Variants in TFDP2 observed in about 807,000 individuals in gnomAD.
The protein encoded by TFDP2 is transcription factor Dp-2.
Under a neutral mutation model 59.3 loss-of-function variants are expected in TFDP2, and 17 were observed. The observed-to-expected ratio is 0.29, with a 90% CI of 0.20 to 0.43. The LOEUF is 0.43. Among genes scored for constraint, TFDP2 ranks in the 20% least tolerant of loss-of-function variants. The pLI, the probability that TFDP2 is intolerant of heterozygous loss-of-function variation, is 1.00. For missense variants in TFDP2, 391 were observed against 528.8 expected, an observed-to-expected ratio of 0.74 and a Z score of 2.56; for synonymous variants, 180 against 194.7, an observed-to-expected ratio of 0.92 and a Z score of 0.63.
intron 4 of TFDP2, 84 bp downstream of exon 4, chr3:142,005,357 G>A: frequency 8.5e-7 from 1 of 1,182,604 alleles, no homozygotes; most frequent in Admixed American, 2.1e-5. Context: ...TGGAATATCT[G>A]ATCAAATATA....
intron 6 of TFDP2, among the ~76,000 whole-genome samples, 164 bp from the exon 7 acceptor site, chr3:141,978,846 G>C (rs1242514998): frequency 6.6e-6 from 1 of 151,990 alleles, no homozygotes; most frequent in Non-Finnish European, 1.5e-5. Flanking sequence ...CTTACTTTTT[G>C]CCTTAAAGGT....
chr3:142,055,890 T>G (rs2059721772), intron 3 of TFDP2, among the ~76,000 whole-genome samples: 1 of 150,386 alleles, frequency 6.6e-6, no homozygotes, highest in African/African-American at 2.4e-5. Context: ...CATGCAATTA[T>G]AAGACCAAGT....
At chr3:141,986,153 A>T (rs548388961) in intron 6 of TFDP2, among the ~76,000 whole-genome samples, 1 of 152,228 alleles carries the variant, frequency 6.6e-6, no homozygotes, top group African/African-American at 2.4e-5. Context: ...GGAGCCCACA[A>T]CATGAGGAAG....
At chr3:141,999,960 C>T (rs1372976777) in intron 4 of TFDP2, among the ~76,000 whole-genome samples, 1 of 152,174 alleles carries the variant, frequency 6.6e-6, no homozygotes, top group Admixed American at 6.5e-5. Flanking sequence ...TGGTCTCGAT[C>T]TCCTGACCTC....
In TFDP2 at chr3:142,037,634, G is replaced by A. The variant is rs573062466; in HGVS notation, c.83-32090C>T. ...AATACACATAAGGAAATGGTTTTGTGGGGGGAAAAGTAATTTACTAGTTGT... is the reference window on the plus strand; with the variant it reads ...AATACACATAAGGAAATGGTTTTGTAGGGGGAAAAGTAATTTACTAGTTGT... On this transcript the variant is annotated intron_variant, in intron 3 of 12. Coordinates refer to ENST00000489671, the MANE Select transcript of TFDP2 (RefSeq NM_001178139.2). 4.6e-5 allele frequency among the ~76,000 whole-genome samples: 7 copies of A among 152,224 alleles called. No homozygotes were observed. In the South Asian group the frequency reaches 1.2e-3, roughly 27 times the overall value.
At chr3:141,982,775 T>C (rs1236118456) in intron 6 of TFDP2, among the ~76,000 whole-genome samples, 1 of 152,238 alleles carries the variant, frequency 6.6e-6, no homozygotes, top group African/African-American at 2.4e-5. Flanking sequence ...GGCTATACTC[T>C]TGAAATGTAG....
chr3:142,093,121 A>G lies in TFDP2; in HGVS notation c.22T>C (p.Leu8=). The change falls in exon 3 of 13, where the codon TTG becomes CTG. Residue 8 remains leucine, a synonymous_variant. Coordinates refer to ENST00000489671, the MANE Select transcript of TFDP2 (RefSeq NM_001178139.2). MTAKNVG[L]TSTNAEVRGF... ...CTTACTTCTGCATTTGTGGAAGTCA[A>G]ACCAACCTGAATAAAACCGTTTAAA... 1 of 1,539,910 alleles carries G rather than the reference A, an allele frequency of 6.5e-7. No individual in the cohort carries two copies. Among genetic ancestry groups the G allele is most frequent in the South Asian group, 1.2e-5 (1 of 83,568 alleles).
At chr3:141,972,762 C>T (rs1005795507) in intron 8 of TFDP2, among the ~76,000 whole-genome samples, 3 of 152,146 alleles carry the variant, frequency 2.0e-5, no homozygotes, top group African/African-American at 7.2e-5. Context: ...GTGAGAATGA[C>T]AGTACCTTGG....
In TFDP2 at chr3:141,973,116, TA is replaced by T. The variant is rs1559951483; in HGVS notation, c.663+931del. Among the ~76,000 whole-genome samples the T allele has an allele frequency of 6.8e-4, 67 of 98,818 alleles. 1 individual carries two copies. The highest frequency in any genetic ancestry group is 9.5e-4 in the African/African-American group (25 of 26,306). The allele number at this position is 98,818 out of a possible 152,430, so 64.8% of individuals were successfully genotyped here. A position where few individuals can be genotyped will look rare whatever the true frequency, so the allele number is the denominator to read the frequency against. On this transcript the variant is annotated intron_variant, in intron 8 of 12. Coordinates refer to ENST00000489671, the MANE Select transcript of TFDP2 (RefSeq NM_001178139.2). ...GTGTATATATATATATATATATATA[TA>T]TATATATTTTTTTTTTTTAAAGATG...
At chr3:142,101,294 C>A (rs2061310103) in intron 2 of TFDP2, among the ~76,000 whole-genome samples, 3 of 150,648 alleles carry the variant, frequency 2.0e-5, no homozygotes, top group African/African-American at 7.3e-5. Context: ...CAGGAACCAT[C>A]TCATGGAAGG....
chr3:142,141,182 G>A (rs971449322), intron 1 of TFDP2, among the ~76,000 whole-genome samples: 9 of 152,190 alleles, frequency 5.9e-5, no homozygotes, highest in Non-Finnish European at 8.8e-5. Context: ...AGCCAGGCAC[G>A]GGAGAGAATC....
At chr3:142,050,998 C>G (rs1251554888) in intron 3 of TFDP2, among the ~76,000 whole-genome samples, 1 of 152,144 alleles carries the variant, frequency 6.6e-6, no homozygotes, top group Non-Finnish European at 1.5e-5. Flanking sequence ...ATATAAAATG[C>G]AAAGGACCTA....
At chr3:141,967,520 C>T (rs551762164) in intron 9 of TFDP2, among the ~76,000 whole-genome samples, 1 of 152,152 alleles carries the variant, frequency 6.6e-6, no homozygotes, top group South Asian at 2.1e-4. Context: ...TCTCGAACTC[C>T]TGAACTCAGG....
chr3:142,134,423 G>C (rs1240832020), intron 1 of TFDP2, among the ~76,000 whole-genome samples: 1 of 151,550 alleles, frequency 6.6e-6, no homozygotes, highest in Non-Finnish European at 1.5e-5. Context: ...ACCAAAAGCA[G>C]ACTGGTTACT....
At chr3:142,130,227 A>C (rs2062443669) in intron 1 of TFDP2, among the ~76,000 whole-genome samples, 3 of 152,152 alleles carry the variant, frequency 2.0e-5, no homozygotes, top group Non-Finnish European at 4.4e-5. Flanking sequence ...ATGGATCATC[A>C]AAATGTAACA....
chr3:141,964,103 A>T, intron 9 of TFDP2, 140 bp from the exon 10 acceptor site: 2 of 709,242 alleles, frequency 2.8e-6, no homozygotes, highest in Non-Finnish European at 4.4e-6. Context: ...ATTAATTTAA[A>T]AAATTAAACA....
At chr3:142,012,926 CAGG>C (rs1260932010) in intron 3 of TFDP2, among the ~76,000 whole-genome samples, 14 of 152,228 alleles carry the variant, frequency 9.2e-5, no homozygotes, top group Non-Finnish European at 1.3e-4. Flanking sequence ...ATCACGAGGC[CAGG>C]AGTTTGAGAC....
chr3:141,968,513 A>G (rs1429220194), intron 9 of TFDP2, among the ~76,000 whole-genome samples: 1 of 111,236 alleles, frequency 9.0e-6, no homozygotes, highest in East Asian at 2.3e-4. Flanking sequence ...TATAACATAT[A>G]TATCTCATAT....
chr3:142,061,753 C>T lies in TFDP2; in HGVS notation c.82+31308G>A, dbSNP rs116350941. ...TGCCACTGGCTCCCGTGATTCTCAG[C>T]CTTCAGACTCAGACTGAATGACATC... On this transcript the variant is annotated intron_variant, in intron 3 of 12. Transcript: ENST00000489671. Among the ~76,000 whole-genome samples, 510 of 152,134 alleles carry T rather than the reference C, an allele frequency of 3.4e-3. 2 individuals carry two copies. Among genetic ancestry groups the T allele is most frequent in the African/African-American group, 0.012 (481 of 41,506 alleles).
Sources: gnomAD v4.1 joint callset for allele counts (sites outside exome capture counted in the v4.1 genomes callset) on GRCh38, gnomAD v4.1.1 for gene constraint, MANE v1.5 for transcripts, NCBI Gene and HGNC (gene_info 2026-07-23, HGNC 2026-07-21) for gene names.